The following BUD31 variants were observed in gnomAD, a reference collection of about 807,000 sequenced individuals.
BUD31 encodes BUD31 spliceosome associated protein, also known as protein BUD31 homolog.
In BUD31, 9 loss-of-function variants were observed where a neutral mutation model predicts 17.9. That is an observed-to-expected ratio of 0.50 (90% CI 0.30 to 0.88). BUD31 has a LOEUF of 0.88. Among genes scored for constraint, BUD31 ranks in the 40% least tolerant of loss-of-function variants. The pLI, the probability that BUD31 is intolerant of heterozygous loss-of-function variation, is 0.06. For synonymous variants in BUD31, 70 were observed against 64.7 expected (o/e 1.08, Z -0.39); for missense variants, 148 against 184.5 (o/e 0.80, Z 1.15).
At chr7:99,414,387 C>T (rs528480853) in intron 3 of BUD31, among the ~76,000 whole-genome samples, 18 of 152,142 alleles carry the variant, frequency 1.2e-4, no homozygotes, top group Admixed American at 1.0e-3. Flanking sequence ...GTCCGCCCAC[C>T]TTGGCCTCCC....
Position 99,417,232 on chromosome 7 carries a change from T to C in BUD31, c.218-197T>C, listed in dbSNP as rs554758613. ...CACGCCCGAGTAATTTTTGTATTTT[T>C]AGTAGAGACGGGGTTTTACCATGTT... On this transcript the variant is annotated intron_variant, in intron 4 of 5. Coordinates refer to ENST00000222969, the MANE Select transcript of BUD31 (RefSeq NM_003910.4). The C allele has an allele frequency of 2.3e-5, 12 of 511,032 alleles. No homozygotes were observed. The Admixed American group carries it at 3.4e-4, about 14-fold the overall frequency. The allele number at this position is 511,032 out of a possible 1,614,324, so 31.7% of individuals were successfully genotyped here.
chr7:99,418,270 T>A (rs1795620897), intron 5 of BUD31: 1 of 162,362 alleles, frequency 6.2e-6, no homozygotes, highest in South Asian at 1.6e-4. Context: ...CCCAGCCCAC[T>A]GTGTTTCTTC....
At chr7:99,418,040 T>C in intron 5 of BUD31, 1 of 1,090,234 alleles carries the variant, frequency 9.2e-7, no homozygotes, top group Non-Finnish European at 1.1e-6. Flanking sequence ...CCATCTTGGC[T>C]CACTGCAACC....
intron 2 of BUD31, among the ~76,000 whole-genome samples, 184 bp from the exon 3 acceptor site, chr7:99,410,880 A>C (rs571782005): frequency 2.0e-4 from 31 of 152,316 alleles, no homozygotes; most frequent in Non-Finnish European, 4.1e-4. Context: ...AAGGTTAAGT[A>C]CCTTTCTGAA....
At position 99,417,441 on chromosome 7, in the gene BUD31, A is replaced by G; in HGVS notation, c.230A>G (p.Tyr77Cys). 2 of 1,613,904 alleles carry G rather than the reference A, an allele frequency of 1.2e-6. No individual in the cohort carries two copies. The highest frequency in any genetic ancestry group is 2.2e-5 in the East Asian group (1 of 44,878). ...ATCTTTTTGACAGAACTCTATGAAT[A>G]TTGTATTAAAGAAGGCTATGCAGAC... ...RKAISRELYE[Y>C]CIKEGYADKN... The change falls in exon 5 of 6, where the codon TAT becomes TGT. Residue 77 changes from tyrosine (Y) to cysteine (C), a missense_variant. Transcript: ENST00000222969.
intron 3 of BUD31, chr7:99,415,329 A>G (rs540321165): frequency 5.5e-6 from 2 of 363,514 alleles, no homozygotes; most frequent in African/African-American, 4.3e-5. Context: ...GCACCAAGGC[A>G]GAGAGAGAGA....
At chr7:99,413,128 C>T (rs560897199) in intron 3 of BUD31, among the ~76,000 whole-genome samples, 1 of 152,116 alleles carries the variant, frequency 6.6e-6, no homozygotes, top group East Asian at 1.9e-4. Flanking sequence ...TCTTTACTAC[C>T]TGCTTTTCTG....
Position 99,417,588 on chromosome 7 carries a change from T to TG in BUD31, c.379dup (p.Glu127GlyfsTer?). 2 of 1,612,002 alleles carry TG rather than the reference T, an allele frequency of 1.2e-6. No homozygotes were observed. Among genetic ancestry groups the TG allele is most frequent in the Non-Finnish European group, 1.7e-6 (2 of 1,179,960 alleles). On this transcript the variant is annotated frameshift_variant, in exon 5 of 6. Transcript: ENST00000222969. LOFTEE classifies it high-confidence loss of function. Reference sequence around the variant, plus strand: ...ATCTGCCGCGTGCCCAAAAGCAAGCTGGAAGTGGTAATGTCTGACACTCAA... The same window carrying TG: ...ATCTGCCGCGTGCCCAAAAGCAAGCTGGGAAGTGGTAATGTCTGACACTCAA...
At chr7:99,419,327 TATGTG>T in intron 5 of BUD31, 59 bp from the exon 6 acceptor site, 1 of 1,583,720 alleles carries the variant, frequency 6.3e-7, no homozygotes, top group African/African-American at 1.3e-5. Context: ...GGTTGCCACA[TATGTG>T]AGTGTGCAGG....
chr7:99,414,388 T>G (rs1176940403), intron 3 of BUD31, among the ~76,000 whole-genome samples: 3 of 152,192 alleles, frequency 2.0e-5, no homozygotes, highest in Non-Finnish European at 4.4e-5. Context: ...TCCGCCCACC[T>G]TGGCCTCCCA....
At chr7:99,409,355 C>T (rs193136314) in intron 1 of BUD31, 110 bp downstream of exon 1, 2 of 152,510 alleles carry the variant, frequency 1.3e-5, no homozygotes, top group South Asian at 2.1e-4. Context: ...TCCTCCTCGC[C>T]TCCTTCCCCT....
At chr7:99,419,165 A>G (rs1795678579) in intron 5 of BUD31, 6 of 575,202 alleles carry the variant, frequency 1.0e-5, no homozygotes, top group African/African-American at 5.6e-5. Flanking sequence ...TTTGCAGAAC[A>G]TATTATAAAT....
Position 99,417,544 on chromosome 7 carries a change from C to A in BUD31, c.333C>A (p.Thr111=), listed in dbSNP as rs1471688032. 1 of 1,611,950 alleles carries A rather than the reference C, an allele frequency of 6.2e-7. No individual in the cohort carries two copies. The highest frequency in any genetic ancestry group is 1.3e-5 in the African/African-American group (1 of 75,032). Residue 111 remains threonine, a synonymous_variant, in exon 5 of 6, where the codon ACC becomes ACA. Transcript: ENST00000222969. ...TGCGGTGCATTCAGACACGGGACAC[C>A]AACTTCGGGACGAACTGCATCTGCC... The part of the protein sequence containing the change: ...CCLRCIQTRD[T]NFGTNCICRV...
chr7:99,413,079 G>C (rs1795254671), intron 3 of BUD31, among the ~76,000 whole-genome samples: 1 of 152,060 alleles, frequency 6.6e-6, no homozygotes, highest in Non-Finnish European at 1.5e-5. Context: ...CAGAGGCCAA[G>C]GAGGAGCAAG....
chr7:99,416,848 G>A (rs527539864), intron 4 of BUD31: 1 of 159,822 alleles, frequency 6.3e-6, no homozygotes, highest in African/African-American at 2.4e-5. Context: ...AACCTCCTGA[G>A]TAGCTGTGAC....
At chr7:99,412,913 G>A (rs972317240) in intron 3 of BUD31, among the ~76,000 whole-genome samples, 23 of 151,750 alleles carry the variant, frequency 1.5e-4, no homozygotes, top group Non-Finnish European at 8.8e-5. Context: ...GAGCCACCGC[G>A]CCCGACCAAC....
intron 1 of BUD31, among the ~76,000 whole-genome samples, chr7:99,409,769 C>CGG (rs370621425): frequency 0.057 from 2,771 of 48,536 alleles, 76 homozygotes; most frequent in East Asian, 0.29. Context: ...GCTCTGTGGG[C>CGG]GGGGGGGGGG....
chr7:99,416,184 G>A lies in BUD31; in HGVS notation c.141G>A (p.Trp47Ter). 6.2e-7 allele frequency: 1 copy of A among 1,613,950 alleles called. No individual in the cohort carries two copies. The highest frequency in any genetic ancestry group is 2.2e-5 in the East Asian group (1 of 44,872). The part of the protein sequence containing the change: ...HEGKRKVESL[W>*]PIFRIHHQKT... Reference sequence around the variant, plus strand: ...GAAAGAGGAAAGTGGAATCTCTGTGGCCCATCTTCAGGATCCACCACCAGA... The same window carrying A: ...GAAAGAGGAAAGTGGAATCTCTGTGACCCATCTTCAGGATCCACCACCAGA... Residue 47 changes from tryptophan (W) to a stop codon, truncating the protein, a stop_gained, in exon 4 of 6, where the codon TGG becomes TGA. Transcript: ENST00000222969. LOFTEE classifies it high-confidence loss of function.
At chr7:99,411,319 G>A in intron 3 of BUD31, 133 bp downstream of exon 3, 5 of 637,720 alleles carry the variant, frequency 7.8e-6, no homozygotes, top group Non-Finnish European at 1.3e-5. Flanking sequence ...GTTTGCTTAT[G>A]AACTTGGGGA....
Sources: allele counts gnomAD v4.1 joint callset (sites outside exome capture counted in the v4.1 genomes callset), GRCh38; gene constraint gnomAD v4.1.1; transcripts MANE v1.5; gene names NCBI Gene and HGNC (gene_info 2026-07-23, HGNC 2026-07-21).